The following GABRB1 variants were observed in gnomAD, a reference collection of about 807,000 sequenced individuals.
The protein encoded by GABRB1 is gamma-aminobutyric acid receptor subunit beta-1.
Under a neutral mutation model 51.6 loss-of-function variants are expected in GABRB1, and 17 were observed. The observed-to-expected ratio is 0.33, with a 90% CI of 0.23 to 0.49. The LOEUF is 0.49. Among genes scored for constraint, GABRB1 ranks in the 20% least tolerant of loss-of-function variants. The pLI is 0.99. For synonymous variants in GABRB1, 247 were observed against 218.9 expected, an observed-to-expected ratio of 1.13 and a Z score of -1.14; for missense variants, 410 against 600.6, an observed-to-expected ratio of 0.68 and a Z score of 3.32.
intron 4 of GABRB1, among the ~76,000 whole-genome samples, chr4:47,249,149 A>G (rs534267595): frequency 6.6e-6 from 1 of 152,020 alleles, no homozygotes; most frequent in South Asian, 2.1e-4. Context: ...GCATTTAGGG[A>G]TATGAACTTT....
At chr4:47,001,527 C>G (rs1015140575) in intron 1 of GABRB1, among the ~76,000 whole-genome samples, 1 of 152,068 alleles carries the variant, frequency 6.6e-6, no homozygotes, top group Non-Finnish European at 1.5e-5. Flanking sequence ...AACAGATTAC[C>G]CTCCATAATT....
intron 3 of GABRB1, among the ~76,000 whole-genome samples, chr4:47,096,722 A>C (rs184301881): frequency 4.6e-5 from 7 of 152,276 alleles, no homozygotes; most frequent in African/African-American, 1.7e-4. Context: ...AAGTCAGGGA[A>C]TATGTGACAA....
chr4:47,371,496 C>A (rs117571210), intron 5 of GABRB1, among the ~76,000 whole-genome samples: 1 of 152,306 alleles, frequency 6.6e-6, no homozygotes, highest in East Asian at 1.9e-4. Flanking sequence ...GCCTCTAGAT[C>A]TTGCAGAAAT....
intron 3 of GABRB1, chr4:47,032,722 AGTGACT>A: frequency 1.4e-6 from 1 of 702,170 alleles, no homozygotes; most frequent in Non-Finnish European, 2.7e-6. Context: ...GGGAAGGACG[AGTGACT>A]GTTGCGCCGT....
intron 3 of GABRB1, among the ~76,000 whole-genome samples, chr4:47,088,615 G>A (rs538324090): frequency 3.9e-5 from 6 of 152,278 alleles, no homozygotes; most frequent in African/African-American, 1.4e-4. Context: ...AGAAAAAGTT[G>A]TTTCTTTTCT....
intron 3 of GABRB1, among the ~76,000 whole-genome samples, chr4:47,079,167 G>A (rs963864013): frequency 3.3e-5 from 5 of 151,912 alleles, no homozygotes; most frequent in South Asian, 2.1e-4. Flanking sequence ...CTATTGATTG[G>A]AATAGTTTCA....
At chr4:47,210,611 A>G (rs960626968) in intron 4 of GABRB1, among the ~76,000 whole-genome samples, 2 of 152,188 alleles carry the variant, frequency 1.3e-5, no homozygotes, top group Non-Finnish European at 2.9e-5. Context: ...AATAAAATAT[A>G]ATACTTGGAA....
At chr4:47,029,454 C>A (rs1304029902), upstream of GABRB1, among the ~76,000 whole-genome samples, 2 of 148,804 alleles carry the variant, frequency 1.3e-5, no homozygotes, top group African/African-American at 2.5e-5. Flanking sequence ...CTGGTAATTT[C>A]TTTATACAAA....
At chr4:47,312,879 C>T (rs1724755084) in intron 4 of GABRB1, among the ~76,000 whole-genome samples, 1 of 152,048 alleles carries the variant, frequency 6.6e-6, no homozygotes, top group African/African-American at 2.4e-5. Flanking sequence ...TGTGTAAAAA[C>T]CTAGGTTTCA....
At chr4:47,142,573 G>C (rs1205962123) in intron 3 of GABRB1, among the ~76,000 whole-genome samples, 1 of 151,804 alleles carries the variant, frequency 6.6e-6, no homozygotes, top group Non-Finnish European at 1.5e-5. Flanking sequence ...ACTCCAACCC[G>C]ATGTGAAAAA....
chr4:47,109,129 A>G (rs974224764), intron 3 of GABRB1, among the ~76,000 whole-genome samples: 1 of 152,112 alleles, frequency 6.6e-6, no homozygotes, highest in African/African-American at 2.4e-5. Context: ...TTAGCAGACT[A>G]GTGATATTTA....
intron 5 of GABRB1, among the ~76,000 whole-genome samples, chr4:47,337,323 CT>C (rs917670841): frequency 2.4e-4 from 37 of 152,164 alleles, no homozygotes; most frequent in African/African-American, 7.7e-4. Flanking sequence ...GAAAAAGCAG[CT>C]AGGACTTCAG....
At chr4:47,053,167 G>T (rs993709682) in intron 3 of GABRB1, among the ~76,000 whole-genome samples, 1 of 152,156 alleles carries the variant, frequency 6.6e-6, no homozygotes, top group Non-Finnish European at 1.5e-5. Context: ...GAAGAGCTCT[G>T]GAGCAAGAAT....
At chr4:47,097,671 G>A (rs1046646113) in intron 3 of GABRB1, among the ~76,000 whole-genome samples, 1 of 152,120 alleles carries the variant, frequency 6.6e-6, no homozygotes, top group East Asian at 1.9e-4. Flanking sequence ...GCACATAGTA[G>A]GTGCTTAATA....
intron 5 of GABRB1, among the ~76,000 whole-genome samples, chr4:47,370,991 G>GTAAA (rs200212421): frequency 0.022 from 3,293 of 152,056 alleles, 125 homozygotes; most frequent in African/African-American, 0.075. Context: ...TGTTACATAG[G>GTAAA]TAAATATATG....
intron 3 of GABRB1, among the ~76,000 whole-genome samples, chr4:47,092,114 T>C (rs577166104): frequency 6.0e-4 from 90 of 151,250 alleles, no homozygotes; most frequent in South Asian, 8.4e-4. Flanking sequence ...TGCTCACCAA[T>C]AATTCCCAAG....
rs150934817 is a variant in GABRB1, at chr4:47,040,545, G to A, written c.240+8061G>A. 5.5e-3 allele frequency among the ~76,000 whole-genome samples: 843 copies of A among 152,104 alleles called. 7 individuals are homozygous for A. The highest frequency in any genetic ancestry group is 0.019 in the African/African-American group (790 of 41,462). On this transcript the variant is annotated intron_variant, in intron 3 of 8. Coordinates refer to ENST00000295454, the MANE Select transcript of GABRB1 (RefSeq NM_000812.4). The stretch of plus-strand genomic sequence containing the variant: ...GCATGTGCCTAGGGAGGGAACCCAG[G>A]GCCAGGAGCACCACACCATCTCTTT...
At chr4:47,279,109 T>TGGAG (rs1723186977) in intron 4 of GABRB1, among the ~76,000 whole-genome samples, 2 of 151,824 alleles carry the variant, frequency 1.3e-5, no homozygotes, top group South Asian at 4.2e-4. Context: ...GATGGATGGA[T>TGGAG]GGATGGATGG....
chr4:47,262,038 C>T (rs866369609), intron 4 of GABRB1, among the ~76,000 whole-genome samples: 147 of 150,250 alleles, frequency 9.8e-4, no homozygotes, highest in African/African-American at 2.9e-3. Context: ...ATACAAAAAT[C>T]AATTCAAGAT....
Sources: allele counts gnomAD v4.1 joint callset (sites outside exome capture counted in the v4.1 genomes callset), GRCh38; gene constraint gnomAD v4.1.1; transcripts MANE v1.5; gene names NCBI Gene and HGNC (gene_info 2026-07-23, HGNC 2026-07-21).